The following STXBP4 variants were observed in gnomAD, a reference collection of about 807,000 sequenced individuals.
The protein encoded by STXBP4 is syntaxin-binding protein 4.
Under a neutral mutation model 76.1 loss-of-function variants are expected in STXBP4, and 55 were observed. That is an observed-to-expected ratio of 0.72 (90% confidence interval 0.58 to 0.91). STXBP4 has a LOEUF of 0.91. Ranked by LOEUF, STXBP4 falls within the 40% of genes least tolerant of loss-of-function variation. STXBP4 has a pLI of 0.00. For synonymous variants in STXBP4, 201 were observed against 220.2 expected, an observed-to-expected ratio of 0.91 and a Z score of 0.77; for missense variants, 618 against 636.9, an observed-to-expected ratio of 0.97 and a Z score of 0.32.
At chr17:55,051,540 T>G (rs566306758) in intron 12 of STXBP4, among the ~76,000 whole-genome samples, 1 of 152,276 alleles carries the variant, frequency 6.6e-6, no homozygotes, top group East Asian at 1.9e-4. Context: ...GTGTTCATTG[T>G]TGTTGAGAAG....
intron 16 of STXBP4, among the ~76,000 whole-genome samples, chr17:55,137,273 T>TCCC (rs1567778251): frequency 8.9e-5 from 13 of 145,706 alleles, no homozygotes; most frequent in Middle Eastern, 3.5e-3. Flanking sequence ...CACCTCCATG[T>TCCC]TCCCTCCCTC....
intron 12 of STXBP4, among the ~76,000 whole-genome samples, chr17:55,068,353 T>C (rs1248366185): frequency 6.6e-6 from 1 of 152,170 alleles, no homozygotes; most frequent in Non-Finnish European, 1.5e-5. Context: ...AAAGATTTAC[T>C]GATGAACTTA....
chr17:55,017,008 G>T (rs1474930167), intron 8 of STXBP4, among the ~76,000 whole-genome samples: 1 of 152,106 alleles, frequency 6.6e-6, no homozygotes, highest in Admixed American at 6.6e-5. Context: ...GAAGGCTAAG[G>T]GTTGTCAGTG....
intron 1 of STXBP4, among the ~76,000 whole-genome samples, chr17:54,969,876 A>G (rs2144239432): frequency 6.6e-6 from 1 of 152,346 alleles, no homozygotes; most frequent in South Asian, 2.1e-4. Context: ...TCAGAAAATA[A>G]TCAAGTAACA....
intron 3 of STXBP4, among the ~76,000 whole-genome samples, chr17:54,989,840 CAG>C: frequency 6.6e-6 from 1 of 152,234 alleles, no homozygotes; most frequent in East Asian, 1.9e-4. Flanking sequence ...TTATGTCTGA[CAG>C]AAATTACAGT....
At chr17:54,976,122 T>C (rs562630787) in intron 1 of STXBP4, among the ~76,000 whole-genome samples, 97 of 152,234 alleles carry the variant, frequency 6.4e-4, no homozygotes, top group African/African-American at 2.3e-3. Flanking sequence ...TTGTACTGAG[T>C]TAAAAATTTG....
intron 16 of STXBP4, among the ~76,000 whole-genome samples, chr17:55,138,391 C>G (rs2080059041): frequency 6.6e-6 from 1 of 151,962 alleles, no homozygotes; most frequent in Non-Finnish European, 1.5e-5. Flanking sequence ...AATGTAATGA[C>G]TTTGGTTTTG....
At chr17:55,142,749 C>A (rs1410543694) in intron 17 of STXBP4, among the ~76,000 whole-genome samples, 2 of 152,144 alleles carry the variant, frequency 1.3e-5, no homozygotes, top group Non-Finnish European at 2.9e-5. Context: ...TGTTTTCATG[C>A]TGAATTTTTT....
intron 12 of STXBP4, among the ~76,000 whole-genome samples, chr17:55,058,222 C>G (rs1258870239): frequency 6.6e-6 from 1 of 152,174 alleles, no homozygotes; most frequent in Non-Finnish European, 1.5e-5. Flanking sequence ...ATCTGTGTTT[C>G]CTGACTTTTT....
At chr17:55,078,535 C>A in intron 14 of STXBP4, 151 bp from the exon 15 acceptor site, 1 of 580,368 alleles carries the variant, frequency 1.7e-6, no homozygotes, top group Non-Finnish European at 3.1e-6. Flanking sequence ...AGTAAAACTG[C>A]ATGTTAGTTC....
chr17:55,097,145 G>A (rs2079497441), intron 16 of STXBP4, among the ~76,000 whole-genome samples: 2 of 149,084 alleles, frequency 1.3e-5, no homozygotes, highest in African/African-American at 5.0e-5. Flanking sequence ...AGTGCTATTT[G>A]TGTTTCTCAT....
chr17:55,134,361 A>ATC (rs1383020675), intron 16 of STXBP4, among the ~76,000 whole-genome samples: 1 of 152,122 alleles, frequency 6.6e-6, no homozygotes, highest in Admixed American at 6.6e-5. Context: ...CATGAAAACT[A>ATC]TCTCTTACCA....
At chr17:55,082,988 G>C (rs1307347311) in intron 16 of STXBP4, among the ~76,000 whole-genome samples, 1 of 151,496 alleles carries the variant, frequency 6.6e-6, no homozygotes, top group Non-Finnish European at 1.5e-5. Flanking sequence ...TTAAGACATG[G>C]TCTTGCTTTA....
intron 12 of STXBP4, among the ~76,000 whole-genome samples, chr17:55,055,825 G>T (rs1351470864): frequency 1.3e-5 from 2 of 152,186 alleles, no homozygotes; most frequent in Non-Finnish European, 2.9e-5. Context: ...GTTTCTTTTA[G>T]TATAACTATT....
intron 11 of STXBP4, 106 bp downstream of exon 11, chr17:55,043,431 G>A: frequency 1.3e-6 from 1 of 758,484 alleles, no homozygotes; most frequent in South Asian, 3.0e-5. Context: ...ATTTTTAATG[G>A]AAAAATATTA....
At chr17:54,977,552 C>T (rs2077490485) in intron 1 of STXBP4, among the ~76,000 whole-genome samples, 1 of 152,146 alleles carries the variant, frequency 6.6e-6, no homozygotes, top group South Asian at 2.1e-4. Context: ...TCTGCAGTGT[C>T]CTGGAACAAG....
intron 16 of STXBP4, among the ~76,000 whole-genome samples, chr17:55,094,750 G>T (rs928588843): frequency 6.6e-6 from 1 of 151,984 alleles, no homozygotes; most frequent in Admixed American, 6.6e-5. Flanking sequence ...CTTAAAAAGC[G>T]CTGAAATTCT....
At chr17:55,183,207 T>C in the STXBP4 span, among the ~76,000 whole-genome samples, 1 of 152,182 alleles carries the variant, frequency 6.6e-6, no homozygotes, top group Non-Finnish European at 1.5e-5. Flanking sequence ...TAGCCTTTAA[T>C]GGGTAATGGA....
intron 9 of STXBP4, among the ~76,000 whole-genome samples, chr17:55,032,495 G>T (rs1415262655): frequency 6.6e-6 from 1 of 152,138 alleles, no homozygotes; most frequent in Non-Finnish European, 1.5e-5. Flanking sequence ...ACCCTAAAAT[G>T]ATTTAAGAAT....
Sources: allele counts gnomAD v4.1 joint callset (sites outside exome capture counted in the v4.1 genomes callset), GRCh38; gene constraint gnomAD v4.1.1; transcripts MANE v1.5; gene names NCBI Gene and HGNC (gene_info 2026-07-23, HGNC 2026-07-21).